Variants in SCAMP3 observed in about 807,000 individuals in gnomAD.
SCAMP3 encodes secretory carrier-associated membrane protein 3.
Under a neutral mutation model 44.1 loss-of-function variants are expected in SCAMP3, and 30 were observed. That is an observed-to-expected ratio of 0.68 (90% CI 0.51 to 0.92). The LOEUF is 0.92. Ranked by LOEUF, SCAMP3 falls within the 40% of genes least tolerant of loss-of-function variation. The pLI is 0.00. For missense variants in SCAMP3, 394 were observed against 440.0 expected (o/e 0.90, Z 0.93); for synonymous variants, 168 against 171.1 (o/e 0.98, Z 0.14).
chr1:155,262,165 G>A lies in SCAMP3; in HGVS notation c.-14C>T. 1 of 1,612,254 alleles carries A rather than the reference G, an allele frequency of 6.2e-7. No homozygotes were observed. Among genetic ancestry groups the A allele is most frequent in the Non-Finnish European group, 8.5e-7 (1 of 1,179,650 alleles). On this transcript the variant is annotated 5_prime_UTR_variant, in exon 1 of 9. Transcript: ENST00000302631. Reference sequence around the variant, plus strand: ...GCTCTGAGCCATGTTTGCAACTGCGGCCTCCGCGGCCCTCTGCCCTCCACG... The same window carrying A: ...GCTCTGAGCCATGTTTGCAACTGCGACCTCCGCGGCCCTCTGCCCTCCACG...
At chr1:155,259,867 A>G (rs1672911296) in intron 4 of SCAMP3, among the ~76,000 whole-genome samples, 1 of 152,088 alleles carries the variant, frequency 6.6e-6, no homozygotes, top group Non-Finnish European at 1.5e-5. Flanking sequence ...GGCATTCAAG[A>G]TTAAGTAACT....
chr1:155,261,747 A>C lies in SCAMP3; in HGVS notation c.67-13T>G. The C allele has an allele frequency of 6.2e-7, 1 of 1,613,176 alleles. No individual in the cohort carries two copies. The highest frequency in any genetic ancestry group is 8.5e-7 in the Non-Finnish European group (1 of 1,179,646). ...TCACAGCTGGGTCCTGAGGGCAGAGACCCGGGTCTCAGCTGGCACCCAGTG... is the reference window on the plus strand; with the variant it reads ...TCACAGCTGGGTCCTGAGGGCAGAGCCCCGGGTCTCAGCTGGCACCCAGTG... On this transcript the variant is annotated splice_polypyrimidine_tract_variant and intron_variant, in intron 1 of 8. Coordinates refer to ENST00000302631, the MANE Select transcript of SCAMP3 (RefSeq NM_005698.4).
At chr1:155,258,310 T>C (rs1672860389) in intron 5 of SCAMP3, among the ~76,000 whole-genome samples, 1 of 131,680 alleles carries the variant, frequency 7.6e-6, no homozygotes, top group South Asian at 2.7e-4. Flanking sequence ...TGAGCCACCG[T>C]GCCCGGCCTT....
intron 1 of SCAMP3, 131 bp downstream of exon 1, chr1:155,261,955 G>A: frequency 1.1e-6 from 1 of 946,992 alleles, no homozygotes; most frequent in Admixed American, 2.2e-5. Context: ...CTGGTCTGGA[G>A]TCACTGTCAC....
intron 8 of SCAMP3, 28 bp from the exon 9 acceptor site, chr1:155,256,447 G>A (rs201406357): frequency 2.4e-5 from 38 of 1,554,236 alleles, no homozygotes; most frequent in Non-Finnish European, 3.2e-5. Context: ...AGACATTACC[G>A]CCCATTCCAG....
Position 155,260,544 on chromosome 1 carries a change from C to T in SCAMP3, c.260G>A (p.Ser87Asn). The stretch of plus-strand genomic sequence containing the variant: ...CCTGCACACCTCCTGTACCTGAGTG[C>T]TGTATGAGCCATAGTTCTTAGGTTC... ...PTEPKNYGSY[S>N]TQASAAAATA... is the part of the protein sequence containing the mutation. Residue 87 changes from serine (S) to asparagine (N), a missense_variant, in exon 3 of 9, where the codon AGC becomes AAC. Physicochemically the swap from Ser to Asn is conservative, Grantham distance 46. Coordinates refer to ENST00000302631, the MANE Select transcript of SCAMP3 (RefSeq NM_005698.4). 6.2e-7 allele frequency: 1 copy of T among 1,614,154 alleles called. No homozygotes were observed. Among genetic ancestry groups the T allele is most frequent in the South Asian group, 1.1e-5 (1 of 91,076 alleles).
At chr1:155,260,290 T>A in intron 4 of SCAMP3, 40 bp downstream of exon 4, 1 of 1,603,578 alleles carries the variant, frequency 6.2e-7, no homozygotes, top group Non-Finnish European at 8.5e-7. Flanking sequence ...TTTTTGCTCC[T>A]CCCAAACTCT....
At position 155,258,942 on chromosome 1, in the gene SCAMP3, T is replaced by C. The variant is rs1204589424; in HGVS notation, c.401A>G (p.Asn134Ser). 3 of 1,612,020 alleles carry C rather than the reference T, an allele frequency of 1.9e-6. No individual in the cohort carries two copies. The highest frequency in any genetic ancestry group is 2.5e-6 in the Non-Finnish European group (3 of 1,179,192). ...ACAAAAAGAAGGTAGAGGGGGCCAA[T>C]TGTTCTGTCGAGCTGTAAGGCACAA... ...ALGGTATRQN[N>S]WPPLPSFCPV... The change falls in exon 5 of 9, where the codon AAT becomes AGT. Residue 134 changes from asparagine to serine, a missense_variant. By Grantham distance (46) the Asn-to-Ser change is conservative. Coordinates refer to ENST00000302631, the MANE Select transcript of SCAMP3 (RefSeq NM_005698.4).
rs777701094 is a variant in SCAMP3 at position 155,260,348 on chromosome 1, C to A, written c.370G>T (p.Ala124Ser). 1.2e-6 allele frequency: 2 copies of A among 1,612,706 alleles called. No individual in the cohort carries two copies. Among genetic ancestry groups the A allele is most frequent in the Non-Finnish European group, 8.5e-7 (1 of 1,180,016 alleles). ...TACTTACTAGCTGTGCCCCCCAGGGCAGCATGCTGCAGCTCTCGCTCCCTT... is the reference window on the plus strand; with the variant it reads ...TACTTACTAGCTGTGCCCCCCAGGGAAGCATGCTGCAGCTCTCGCTCCCTT... ...DRRERELQHA[A>S]LGGTATRQNN... The change falls in exon 4 of 9, where the codon GCC (alanine) becomes TCC (serine). Residue 124 changes from alanine to serine, a missense_variant. Coordinates refer to ENST00000302631, the MANE Select transcript of SCAMP3 (RefSeq NM_005698.4).
At chr1:155,261,829 C>T (rs1672973489) in intron 1 of SCAMP3, 95 bp from the exon 2 acceptor site, 1 of 1,181,652 alleles carries the variant, frequency 8.5e-7, no homozygotes, top group South Asian at 1.2e-5. Context: ...CCAAGTACTG[C>T]ACCTTCGGGG....
At chr1:155,256,645 C>A (rs1206723411) in intron 8 of SCAMP3, 29 bp downstream of exon 8, 3 of 1,590,330 alleles carry the variant, frequency 1.9e-6, no homozygotes, top group Admixed American at 1.7e-5. Context: ...ATCTCACCAT[C>A]CCGGCCCCAC....
chr1:155,256,831 A>T, intron 7 of SCAMP3, 40 bp from the exon 8 acceptor site: 1 of 1,513,930 alleles, frequency 6.6e-7, no homozygotes, highest in Non-Finnish European at 9.2e-7. Context: ...GGGGCTCCTC[A>T]GCTTCTCCAC....
intron 5 of SCAMP3, among the ~76,000 whole-genome samples, chr1:155,258,132 A>G (rs901207388): frequency 2.3e-4 from 31 of 134,450 alleles, no homozygotes; most frequent in Non-Finnish European, 3.0e-4. Context: ...CCATTCTCCT[A>G]CCTCAGCCTC....
In SCAMP3 at chr1:155,256,755, G is replaced by C. The variant is rs1192660401; in HGVS notation, c.816C>G (p.Asn272Lys). 1 of 1,614,202 alleles carries C rather than the reference G, an allele frequency of 6.2e-7. No homozygotes were observed. The highest frequency in any genetic ancestry group is 1.7e-5 in the Admixed American group (1 of 60,024). Residue 272 changes from asparagine to lysine, a missense_variant, in exon 8 of 9, where the codon AAC becomes AAG. Transcript: ENST00000302631. ...GCAGCATGAGCACGGATACTGCTGTGTTGCCCTTCGGCACCACCAGAGCAG... is the reference window on the plus strand; with the variant it reads ...GCAGCATGAGCACGGATACTGCTGTCTTGCCCTTCGGCACCACCAGAGCAG... ...WISALVVPKG[N>K]TAVSVLMLLV...
intron 4 of SCAMP3, among the ~76,000 whole-genome samples, chr1:155,259,430 AG>A (rs1672897854): frequency 6.6e-6 from 1 of 152,112 alleles, no homozygotes; most frequent in Non-Finnish European, 1.5e-5. Flanking sequence ...TTGGCCTCCC[AG>A]AGTGCTGGGA....
intron 7 of SCAMP3, 65 bp downstream of exon 7, chr1:155,257,220 A>G: frequency 1.9e-6 from 2 of 1,078,394 alleles, no homozygotes; most frequent in Non-Finnish European, 2.8e-6. Flanking sequence ...AACAACTCCT[A>G]TCCCAGCACC....
At chr1:155,261,864 A>T in intron 1 of SCAMP3, 130 bp from the exon 2 acceptor site, 2 of 908,066 alleles carry the variant, frequency 2.2e-6, no homozygotes. Context: ...CAGGACTGGG[A>T]CAACATTTAC....
At chr1:155,258,615 C>T (rs745694024) in intron 5 of SCAMP3, among the ~76,000 whole-genome samples, 4 of 151,982 alleles carry the variant, frequency 2.6e-5, no homozygotes, top group Admixed American at 6.6e-5. Flanking sequence ...GGATTACAGG[C>T]GTATACCACT....
In SCAMP3 at chr1:155,260,628, G is replaced by A; in HGVS notation, c.176C>T (p.Ala59Val). ...PPPAYEPPAPAPLPPPSAPSL... is the reference protein window; with the variant it reads ...PPPAYEPPAPVPLPPPSAPSL... ...GGGAGCTGAGGGTGGAGGCAATGGG[G>A]CAGGGGCTGGAGGCTCATAGGCTGG... The change falls in exon 3 of 9, where the codon GCC becomes GTC. Residue 59 changes from alanine (A) to valine (V), a missense_variant. Transcript: ENST00000302631. The A allele has an allele frequency of 6.2e-7, 1 of 1,613,684 alleles. No individual in the cohort carries two copies. Among genetic ancestry groups the A allele is most frequent in the South Asian group, 1.1e-5 (1 of 91,022 alleles).
Sources: allele counts gnomAD v4.1 joint callset (sites outside exome capture counted in the v4.1 genomes callset), GRCh38; gene constraint gnomAD v4.1.1; transcripts MANE v1.5; gene names NCBI Gene and HGNC (gene_info 2026-07-23, HGNC 2026-07-21).